Variants in PITPNM2 observed in about 807,000 individuals in gnomAD.
PITPNM2 encodes the protein phosphatidylinositol transfer protein membrane associated 2.
In PITPNM2, 35 loss-of-function variants were observed where a neutral mutation model predicts 132.2. That is an observed-to-expected ratio of 0.26 (90% CI 0.20 to 0.35). The LOEUF is 0.35. Among genes scored for constraint, PITPNM2 ranks in the 10% least tolerant of loss-of-function variants. The pLI is 1.00. For synonymous variants in PITPNM2, 738 were observed against 799.2 expected (o/e 0.92, Z 1.29); for missense variants, 1,332 against 1,912.0 (o/e 0.70, Z 5.66).
At chr12:123,069,622 G>A (rs1165265486) in intron 2 of PITPNM2, among the ~76,000 whole-genome samples, 2 of 152,002 alleles carry the variant, frequency 1.3e-5, no homozygotes, top group Admixed American at 6.5e-5. Context: ...CCCAAGCCCC[G>A]TGGGCCGAGT....
chr12:123,120,160 T>C (rs1436323915), intron 1 of PITPNM2, among the ~76,000 whole-genome samples: 1 of 152,168 alleles, frequency 6.6e-6, no homozygotes, highest in African/African-American at 2.4e-5. Context: ...AAGGTCACCT[T>C]ATAACTAACA....
chr12:123,041,501 G>A (rs931100324), intron 2 of PITPNM2, among the ~76,000 whole-genome samples: 1 of 152,174 alleles, frequency 6.6e-6, no homozygotes, highest in South Asian at 2.1e-4. Context: ...GAGCATGGCA[G>A]ACCCTCCCGT....
At chr12:123,019,135 G>A (rs2039568525) in intron 3 of PITPNM2, among the ~76,000 whole-genome samples, 1 of 152,156 alleles carries the variant, frequency 6.6e-6, no homozygotes, top group Non-Finnish European at 1.5e-5. Context: ...AGGTAGTGGT[G>A]ATGGTTGCAC....
At chr12:122,997,273 G>A (rs1204069039) in intron 11 of PITPNM2, 52 bp downstream of exon 11, 3 of 1,606,566 alleles carry the variant, frequency 1.9e-6, no homozygotes, top group Non-Finnish European at 2.5e-6. Flanking sequence ...CCAGGGGTAG[G>A]AGGAGGACAG....
intron 2 of PITPNM2, among the ~76,000 whole-genome samples, chr12:123,098,274 T>C (rs1158361926): frequency 6.6e-6 from 1 of 152,090 alleles, no homozygotes. Flanking sequence ...TGGAATGGGT[T>C]GGGGCTCATG....
chr12:123,005,335 T>G lies in PITPNM2; in HGVS notation c.857A>C (p.Glu286Ala), dbSNP rs1448019134. ...VSDQTSGEPP[E>A]PSSSNGEPLV... ...GGGCTCCCCATTGCTGCTGCTGGGC[T>G]CCGGGGGCTCCCCAGAGGTCTGGTC... The change falls in exon 7 of 26, where the codon GAG becomes GCG. Residue 286 changes from glutamate to alanine, a missense_variant. By Grantham distance (107) the Glu-to-Ala change is moderately radical. Transcript: ENST00000320201. The surrounding 1 kb of genome is among the most constrained non-coding windows in gnomAD (Gnocchi z 6.2). 1 of 1,614,058 alleles carries G rather than the reference T, an allele frequency of 6.2e-7. No individual in the cohort carries two copies. The highest frequency in any genetic ancestry group is 1.7e-5 in the Admixed American group (1 of 60,026).
intron 16 of PITPNM2, chr12:122,991,923 G>A: frequency 7.6e-7 from 1 of 1,307,612 alleles, no homozygotes; most frequent in African/African-American, 1.5e-5. Flanking sequence ...GGAGAGAACA[G>A]AGGACAAGAA....
intron 1 of PITPNM2, among the ~76,000 whole-genome samples, chr12:123,118,630 T>G (rs979935569): frequency 8.5e-5 from 13 of 152,196 alleles, no homozygotes; most frequent in African/African-American, 3.1e-4. Flanking sequence ...ACGGGGCCAG[T>G]GTGTGAGGGA....
Position 122,985,924 on chromosome 12 carries a change from T to C in PITPNM2, c.*103A>G. On this transcript the variant is annotated 3_prime_UTR_variant, in exon 26 of 26. Transcript: ENST00000320201. Reference sequence around the variant, plus strand: ...TGTCCTCCACAAGGCCCTGGGACAATCTCCCAGGCCCACGTCAGTGCGTGT... The same window carrying C: ...TGTCCTCCACAAGGCCCTGGGACAACCTCCCAGGCCCACGTCAGTGCGTGT... 1 of 1,119,372 alleles carries C rather than the reference T, an allele frequency of 8.9e-7. No individual in the cohort carries two copies. The highest frequency in any genetic ancestry group is 1.2e-6 in the Non-Finnish European group (1 of 853,428). The allele number at this position is 1,119,372 out of a possible 1,614,324, so 69.3% of individuals were successfully genotyped here. A position where few individuals can be genotyped will look rare whatever the true frequency, so the allele number is the denominator to read the frequency against.
intron 8 of PITPNM2, among the ~76,000 whole-genome samples, chr12:123,002,936 G>T (rs762348067): frequency 1.3e-5 from 2 of 151,898 alleles, no homozygotes; most frequent in Non-Finnish European, 2.9e-5. Flanking sequence ...ACAGGGTTTC[G>T]CCATGTTGCC....
At chr12:123,132,906 C>T (rs1343360905) in intron 1 of PITPNM2, among the ~76,000 whole-genome samples, 5 of 152,190 alleles carry the variant, frequency 3.3e-5, no homozygotes, top group Non-Finnish European at 5.9e-5. Context: ...TGGAACCAAA[C>T]AGTATGGCAT....
chr12:123,132,757 T>C (rs2137568301), intron 1 of PITPNM2, among the ~76,000 whole-genome samples: 1 of 152,326 alleles, frequency 6.6e-6, no homozygotes, highest in South Asian at 2.1e-4. Context: ...CTCATATAAG[T>C]AGAATCATAC....
At chr12:123,109,734 C>T (rs1470727052) in intron 2 of PITPNM2, among the ~76,000 whole-genome samples, 1 of 152,180 alleles carries the variant, frequency 6.6e-6, no homozygotes, top group Non-Finnish European at 1.5e-5. Flanking sequence ...CCAGGCTAAG[C>T]CTCAAGAGCA....
At chr12:123,148,784 G>T (rs2043669989) in intron 1 of PITPNM2, among the ~76,000 whole-genome samples, 2 of 152,128 alleles carry the variant, frequency 1.3e-5, no homozygotes, top group South Asian at 4.1e-4. Context: ...AGTCTAGTGG[G>T]GGGCACGTGT....
chr12:123,033,479 T>C (rs778107833), intron 3 of PITPNM2, among the ~76,000 whole-genome samples: 3 of 152,136 alleles, frequency 2.0e-5, no homozygotes, highest in Non-Finnish European at 4.4e-5. Flanking sequence ...ACTGGAGGTG[T>C]CTCCTAAGCA....
At chr12:123,148,876 C>T (rs1246794179) in intron 1 of PITPNM2, among the ~76,000 whole-genome samples, 1 of 152,074 alleles carries the variant, frequency 6.6e-6, no homozygotes, top group African/African-American at 2.4e-5. Flanking sequence ...ATTCCACCTG[C>T]GAAGGCCAAG....
Position 122,994,713 on chromosome 12 carries a change from G to A in PITPNM2, c.2233+88C>T, listed in dbSNP as rs2038344275. 1 of 1,391,802 alleles carries A rather than the reference G, an allele frequency of 7.2e-7. No homozygotes were observed. The highest frequency in any genetic ancestry group is 2.5e-5 in the East Asian group (1 of 40,496). 86.2% of individuals were successfully genotyped at this position (1,391,802 alleles called of 1,614,324 possible). A position where few individuals can be genotyped will look rare whatever the true frequency, so the allele number is the denominator to read the frequency against. On this transcript the variant is annotated intron_variant, in intron 15 of 25. Coordinates refer to ENST00000320201, the MANE Select transcript of PITPNM2 (RefSeq NM_020845.3). The surrounding 1 kb of genome is among the most constrained non-coding windows in gnomAD (Gnocchi z 5.4). ...AGGGCAGAAACAGGCCTGGGACGTG[G>A]CCATGATCTCATCACAGGGGTCCAC...
intron 2 of PITPNM2, among the ~76,000 whole-genome samples, chr12:123,107,501 C>A (rs973903020): frequency 6.6e-6 from 1 of 152,210 alleles, no homozygotes; most frequent in African/African-American, 2.4e-5. Flanking sequence ...GCTCTGGATT[C>A]CTCCACAGCA....
intron 2 of PITPNM2, among the ~76,000 whole-genome samples, chr12:123,098,106 C>A (rs2042458245): frequency 6.6e-6 from 1 of 152,234 alleles, no homozygotes; most frequent in African/African-American, 2.4e-5. Context: ...TCACCCCCAG[C>A]ACCCAGGTTG....
Sources: allele counts gnomAD v4.1 joint callset (sites outside exome capture counted in the v4.1 genomes callset), GRCh38; gene constraint gnomAD v4.1.1; non-coding constraint Gnocchi (gnomAD v3.1); transcripts MANE v1.5; gene names NCBI Gene and HGNC (gene_info 2026-07-23, HGNC 2026-07-21).